STK39: variants seen among roughly 807,000 people sequenced by gnomAD.
STK39 encodes the protein serine/threonine kinase 39.
STK39 carries 20 observed loss-of-function variants against 77.8 expected under a neutral mutation model. The ratio of observed to expected loss-of-function variants is 0.26; its 90% CI spans 0.18 to 0.37. The LOEUF (loss-of-function observed/expected upper bound fraction) is 0.37. Among genes scored for constraint, STK39 ranks in the 10% least tolerant of loss-of-function variants. The pLI is 1.00. For synonymous variants in STK39, 246 were observed against 234.1 expected, an observed-to-expected ratio of 1.05 and a Z score of -0.47; for missense variants, 479 against 656.5, an observed-to-expected ratio of 0.73 and a Z score of 2.95.
chr2:168,231,480 T>TA (rs1409760027), intron 1 of STK39, among the ~76,000 whole-genome samples: 1 of 151,992 alleles, frequency 6.6e-6, no homozygotes, highest in African/African-American at 2.4e-5. Context: ...CTTATTCTGA[T>TA]AGCTTCCCAC....
At chr2:167,980,003 A>T (rs1333291789) in intron 16 of STK39, among the ~76,000 whole-genome samples, 1 of 152,188 alleles carries the variant, frequency 6.6e-6, no homozygotes, top group Non-Finnish European at 1.5e-5. Flanking sequence ...CACATTCTGG[A>T]AATATTAACA....
intron 10 of STK39, among the ~76,000 whole-genome samples, chr2:168,083,001 A>C (rs1686276824): frequency 6.6e-6 from 1 of 152,140 alleles, no homozygotes; most frequent in African/African-American, 2.4e-5. Context: ...AAGCACTCAA[A>C]ACATGACAGG....
At chr2:168,076,305 A>C (rs1255426097) in intron 10 of STK39, among the ~76,000 whole-genome samples, 1 of 152,110 alleles carries the variant, frequency 6.6e-6, no homozygotes, top group Non-Finnish European at 1.5e-5. Flanking sequence ...CTCAAATGTG[A>C]CTCTCCTTAT....
chr2:168,005,809 T>C (rs990445188), intron 16 of STK39, among the ~76,000 whole-genome samples: 2 of 152,148 alleles, frequency 1.3e-5, no homozygotes, highest in Non-Finnish European at 2.9e-5. Context: ...TTCATGATGG[T>C]GACATGTATG....
intron 14 of STK39, among the ~76,000 whole-genome samples, chr2:168,026,189 A>G (rs558244651): frequency 1.3e-5 from 2 of 152,284 alleles, no homozygotes; most frequent in South Asian, 4.1e-4. Context: ...GTTTATGTAA[A>G]CTACAGGGAA....
chr2:168,027,841 T>G (rs1277601592), intron 14 of STK39, among the ~76,000 whole-genome samples: 1 of 152,152 alleles, frequency 6.6e-6, no homozygotes, highest in Non-Finnish European at 1.5e-5. Flanking sequence ...TCTGGCTGCA[T>G]AGGATTTCAC....
In STK39 at chr2:168,050,324, C is replaced by T. The variant is rs533328463; in HGVS notation, c.1376+13176G>A. ...TATATACCACAAATAAGGAGAGACA[C>T]TTAAAATCTTTCTTTAGTGTCAGAA... On this transcript the variant is annotated intron_variant, in intron 14 of 17. Transcript: ENST00000355999. Among the ~76,000 whole-genome samples the T allele has an allele frequency of 2.6e-3, 389 of 152,310 alleles. 2 individuals carry two copies. The highest frequency in any genetic ancestry group is 6.8e-3 in the Middle Eastern group (2 of 292).
At position 167,954,176 on chromosome 2, in the gene STK39, T is replaced by C. The variant is rs1422072298; in HGVS notation, c.*1320A>G. The C allele has an allele frequency of 6.6e-6, 1 of 151,720 alleles. No individual in the cohort carries two copies. The highest frequency in any genetic ancestry group is 6.6e-5 in the Admixed American group (1 of 15,248). The allele number at this position is 151,720 out of a possible 1,614,324, so 9.4% of individuals were successfully genotyped here. Reference sequence around the variant, plus strand: ...TATGACAAGGCAATTATAAATAACTTTTTTTCCTTAGTAATATATATTTGC... The same window carrying C: ...TATGACAAGGCAATTATAAATAACTCTTTTTCCTTAGTAATATATATTTGC... On this transcript the variant is annotated 3_prime_UTR_variant, in exon 18 of 18. Transcript: ENST00000355999.
chr2:168,211,426 A>C (rs1689888274), intron 1 of STK39, among the ~76,000 whole-genome samples: 1 of 152,186 alleles, frequency 6.6e-6, no homozygotes, highest in Non-Finnish European at 1.5e-5. Flanking sequence ...CCTGTTTATA[A>C]GGGTCATTTC....
intron 16 of STK39, among the ~76,000 whole-genome samples, chr2:168,007,231 A>C (rs914773065): frequency 3.3e-5 from 5 of 152,222 alleles, no homozygotes; most frequent in Non-Finnish European, 5.9e-5. Context: ...CCTCAGGTGA[A>C]CTTATTTCAT....
At chr2:168,005,055 G>T (rs1188189002) in intron 16 of STK39, among the ~76,000 whole-genome samples, 1 of 141,390 alleles carries the variant, frequency 7.1e-6, no homozygotes, top group Admixed American at 7.5e-5. Flanking sequence ...GCCCAGGCTG[G>T]AGTGCAGCGG....
chr2:167,996,975 G>A (rs529140511), intron 16 of STK39, among the ~76,000 whole-genome samples: 51 of 151,176 alleles, frequency 3.4e-4, no homozygotes, highest in African/African-American at 1.1e-3. Context: ...CTGGAAGCAC[G>A]CAGAAAACTA....
intron 1 of STK39, among the ~76,000 whole-genome samples, chr2:168,200,764 C>G (rs1185343563): frequency 6.6e-6 from 1 of 152,232 alleles, no homozygotes; most frequent in Admixed American, 6.5e-5. Context: ...TCATTTTTCA[C>G]TACCATTTAA....
At chr2:168,133,814 T>C (rs1050642446) in intron 8 of STK39, among the ~76,000 whole-genome samples, 2 of 151,372 alleles carry the variant, frequency 1.3e-5, no homozygotes, top group African/African-American at 4.9e-5. Context: ...GCCGAGATCA[T>C]GCCATTCCAC....
chr2:168,090,588 C>A (rs1282052714), intron 10 of STK39, among the ~76,000 whole-genome samples: 2 of 152,274 alleles, frequency 1.3e-5, no homozygotes, highest in East Asian at 1.9e-4. Context: ...CTCTGTGAAC[C>A]AGCACTCAAC....
intron 1 of STK39, among the ~76,000 whole-genome samples, chr2:168,196,809 C>T (rs187821517): frequency 4.9e-4 from 74 of 152,148 alleles, no homozygotes; most frequent in African/African-American, 1.6e-3. Context: ...TCTGAGCATT[C>T]TAAGATGAAG....
intron 1 of STK39, among the ~76,000 whole-genome samples, chr2:168,241,978 A>G (rs1194217578): frequency 3.3e-5 from 5 of 152,234 alleles, no homozygotes; most frequent in African/African-American, 1.2e-4. Context: ...CAGAGCCGGC[A>G]CTGCTGCAAC....
At chr2:168,185,951 A>T (rs960452222) in intron 1 of STK39, among the ~76,000 whole-genome samples, 1 of 152,192 alleles carries the variant, frequency 6.6e-6, no homozygotes, top group Admixed American at 6.5e-5. Flanking sequence ...TCCTCTGCAG[A>T]AGTTAACAGG....
chr2:168,075,018 A>T lies in STK39; in HGVS notation c.1213-7T>A. On this transcript the variant is annotated splice_polypyrimidine_tract_variant and splice_region_variant and intron_variant, in intron 11 of 17. Coordinates refer to ENST00000355999, the MANE Select transcript of STK39 (RefSeq NM_013233.3). ...CTTCTTTTACTCTTCGTGACTGTAAAACAATTATGTATCCATTAATATATA... is the reference window on the plus strand; with the variant it reads ...CTTCTTTTACTCTTCGTGACTGTAATACAATTATGTATCCATTAATATATA... The T allele has an allele frequency of 6.2e-7, 1 of 1,613,996 alleles. No homozygotes were observed. Among genetic ancestry groups the T allele is most frequent in the Non-Finnish European group, 8.5e-7 (1 of 1,179,992 alleles).
Sources: allele counts gnomAD v4.1 joint callset (sites outside exome capture counted in the v4.1 genomes callset), GRCh38; gene constraint gnomAD v4.1.1; transcripts MANE v1.5; gene names NCBI Gene and HGNC (gene_info 2026-07-23, HGNC 2026-07-21).